FOXP1: variants seen among roughly 807,000 people sequenced by gnomAD.
FOXP1 encodes forkhead box P1, also known as forkhead box protein P1.
A neutral mutation model predicts 98.2 loss-of-function variants in FOXP1; 15 were observed. That is an observed-to-expected ratio of 0.15 (90% CI 0.10 to 0.24). The LOEUF (loss-of-function observed/expected upper bound fraction) is 0.24. Among genes scored for constraint, FOXP1 ranks in the 10% least tolerant of loss-of-function variants. The pLI, the probability that FOXP1 is intolerant of heterozygous loss-of-function variation, is 1.00. For missense variants in FOXP1, 633 were observed against 848.5 expected (o/e 0.75, Z 3.15); for synonymous variants, 371 against 314.5 (o/e 1.18, Z -1.90).
intron 14 of FOXP1, among the ~76,000 whole-genome samples, chr3:70,982,937 C>CGTAGTAGG (rs2039118505): frequency 6.6e-6 from 1 of 152,200 alleles, no homozygotes. Context: ...GACACAACTG[C>CGTAGTAGG]GTAGTAGGGA....
chr3:71,543,435 A>G (rs2045051390), intron 2 of FOXP1: 1 of 152,472 alleles, frequency 6.6e-6, no homozygotes, highest in African/African-American at 2.4e-5. Flanking sequence ...TCTGGCTGTT[A>G]GCAGTGGCGA....
intron 4 of FOXP1, among the ~76,000 whole-genome samples, chr3:71,310,524 C>T (rs1035053737): frequency 1.3e-5 from 2 of 152,224 alleles, no homozygotes. Context: ...GGCAAGAGTT[C>T]TCAGTCAGAA....
At chr3:71,241,754 T>C (rs1228782193) in intron 5 of FOXP1, among the ~76,000 whole-genome samples, 2 of 152,232 alleles carry the variant, frequency 1.3e-5, no homozygotes, top group African/African-American at 4.8e-5. Flanking sequence ...ATGTCCATAA[T>C]AACGGCATCA....
At chr3:71,461,439 A>G (rs1376423005) in intron 3 of FOXP1, among the ~76,000 whole-genome samples, 1 of 152,174 alleles carries the variant, frequency 6.6e-6, no homozygotes, top group African/African-American at 2.4e-5. Context: ...GTTTTAAATG[A>G]GCCATGATCG....
intron 5 of FOXP1, among the ~76,000 whole-genome samples, chr3:71,282,511 G>A (rs2071679537): frequency 6.6e-6 from 1 of 152,090 alleles, no homozygotes; most frequent in Admixed American, 6.6e-5. Flanking sequence ...CTGAGCATTT[G>A]CTGTGTATAA....
At chr3:71,128,770 A>T (rs1201682121) in intron 6 of FOXP1, among the ~76,000 whole-genome samples, 1 of 152,170 alleles carries the variant, frequency 6.6e-6, no homozygotes, top group East Asian at 1.9e-4. Context: ...TAATGAACCA[A>T]GTAATCCTGG....
At chr3:71,407,735 C>T (rs557241720) in intron 3 of FOXP1, among the ~76,000 whole-genome samples, 16 of 151,734 alleles carry the variant, frequency 1.1e-4, no homozygotes, top group East Asian at 7.7e-4. Flanking sequence ...TTCCTGCTGG[C>T]GGATCATAAA....
intron 7 of FOXP1, among the ~76,000 whole-genome samples, chr3:71,085,549 T>A (rs193084383): frequency 7.0e-4 from 106 of 152,102 alleles, no homozygotes; most frequent in African/African-American, 2.5e-3. Context: ...ATTACTGGGC[T>A]CCTATGGCTT....
At chr3:71,432,740 C>G (rs1215649175) in intron 3 of FOXP1, among the ~76,000 whole-genome samples, 2 of 151,510 alleles carry the variant, frequency 1.3e-5, no homozygotes, top group Non-Finnish European at 2.9e-5. Flanking sequence ...AAGCAGAACT[C>G]AGCATTTACA....
At position 70,958,196 on chromosome 3, in the gene FOXP1, C is replaced by CAAAAAA; in HGVS notation, c.*1045_*1050dup. On this transcript the variant is annotated 3_prime_UTR_variant, in exon 21 of 21. Coordinates refer to ENST00000649528, the MANE Select transcript of FOXP1 (RefSeq NM_001349338.3). ...TGGTGGCATTTATTAATGGTTGCTG[C>CAAAAAA]AAAAAAAAAAAAAGAAAAGAAAAGA... 3 of 316,004 alleles carry CAAAAAA rather than the reference C, an allele frequency of 9.5e-6. No homozygotes were observed. Among genetic ancestry groups the CAAAAAA allele is most frequent in the South Asian group, 9.2e-5 (3 of 32,722 alleles). The allele number at this position is 316,004 out of a possible 1,614,324, so 19.6% of individuals were successfully genotyped here.
intron 2 of FOXP1, among the ~76,000 whole-genome samples, chr3:71,510,387 G>T (rs2042117964): frequency 6.6e-6 from 1 of 152,020 alleles, no homozygotes; most frequent in African/African-American, 2.4e-5. Flanking sequence ...TGAGGCAGGA[G>T]AATCGCTTGA....
Position 71,046,950 on chromosome 3 carries a change from A to C in FOXP1, c.656T>G (p.Leu219Arg), listed in dbSNP as rs1559806469. The C allele has an allele frequency of 1.2e-6, 2 of 1,614,056 alleles. No homozygotes were observed. Among genetic ancestry groups the C allele is most frequent in the Non-Finnish European group, 1.7e-6 (2 of 1,179,934 alleles). Residue 219 changes from leucine (L) to arginine (R), a missense_variant, in exon 10 of 21, where the codon CTT (leucine) becomes CGT (arginine). This residue lies in a region of FOXP1 where 210 missense variants were observed against 270.6 expected (regional missense o/e 0.78). Transcript: ENST00000649528. Reference sequence around the variant, plus strand: ...GTAAAATCAACGCATACCTTGAGCAAGAGGTTGAAGGGGAAGGGCAGGCTG... The same window carrying C: ...GTAAAATCAACGCATACCTTGAGCACGAGGTTGAAGGGGAAGGGCAGGCTG... ...PGQPALPLQPLAQGMIPTELQ... is the reference protein window; with the variant it reads ...PGQPALPLQPRAQGMIPTELQ...
chr3:71,574,718 T>C (rs145443525), intron 2 of FOXP1, among the ~76,000 whole-genome samples: 39 of 152,250 alleles, frequency 2.6e-4, no homozygotes, highest in African/African-American at 6.7e-4. Flanking sequence ...CTGACACTAA[T>C]TGGTAGCTAC....
intron 15 of FOXP1, 39 bp from the exon 16 acceptor site, chr3:70,977,761 C>T: frequency 3.7e-6 from 6 of 1,612,118 alleles, no homozygotes; most frequent in Non-Finnish European, 5.1e-6. Context: ...ATCACTTTTT[C>T]AAAAGGGGCT....
intron 5 of FOXP1, among the ~76,000 whole-genome samples, chr3:71,202,371 A>ATTT (rs2063731264): frequency 1.3e-5 from 2 of 152,216 alleles, no homozygotes; most frequent in African/African-American, 4.8e-5. Flanking sequence ...GCTTTTTGAA[A>ATTT]AGCACATGTG....
intron 3 of FOXP1, among the ~76,000 whole-genome samples, chr3:71,423,960 G>A (rs1039632996): frequency 6.6e-6 from 1 of 152,108 alleles, no homozygotes; most frequent in African/African-American, 2.4e-5. Context: ...CTTATTTTAT[G>A]TACATATTTA....
At chr3:71,318,602 A>C (rs539282811) in intron 4 of FOXP1, among the ~76,000 whole-genome samples, 2 of 152,348 alleles carry the variant, frequency 1.3e-5, no homozygotes, top group South Asian at 4.1e-4. Context: ...AAAATCACTT[A>C]GCACATCTTC....
intron 3 of FOXP1, among the ~76,000 whole-genome samples, chr3:71,413,044 A>T (rs2082879831): frequency 6.6e-6 from 1 of 152,108 alleles, no homozygotes. Flanking sequence ...CGTCTTTGAA[A>T]AACACACAAA....
intron 7 of FOXP1, among the ~76,000 whole-genome samples, chr3:71,100,688 C>T (rs764474249): frequency 6.6e-6 from 1 of 152,230 alleles, no homozygotes; most frequent in Non-Finnish European, 1.5e-5. Flanking sequence ...CAACACAGTA[C>T]ACAGTATCTG....
Sources: gnomAD v4.1 joint callset for allele counts (sites outside exome capture counted in the v4.1 genomes callset) on GRCh38, gnomAD v4.1.1 for gene constraint, gnomAD v4.1.1 regional missense constraint, MANE v1.5 for transcripts, NCBI Gene and HGNC (gene_info 2026-07-23, HGNC 2026-07-21) for gene names.